Variants in PIWIL4 observed in about 807,000 individuals in gnomAD.
PIWIL4 encodes piwi like RNA-mediated gene silencing 4.
In PIWIL4, 50 loss-of-function variants were observed where a neutral mutation model predicts 100.9. The observed-to-expected ratio is 0.50, with a 90% confidence interval of 0.39 to 0.63. PIWIL4 has a LOEUF of 0.63. Ranked by LOEUF, PIWIL4 falls within the 20% of genes least tolerant of loss-of-function variation. PIWIL4 has a pLI of 0.00. For missense variants in PIWIL4, 887 were observed against 1,043.3 expected (o/e 0.85, Z 2.06); for synonymous variants, 342 against 367.5 (o/e 0.93, Z 0.79).
In PIWIL4 at chr11:94,595,321, A is replaced by C; in HGVS notation, c.1163A>C (p.Gln388Pro). The change falls in exon 10 of 20, where the codon CAG (glutamine) becomes CCG (proline). Residue 388 changes from glutamine to proline, a missense_variant. By Grantham distance (76) the Gln-to-Pro change is moderately conservative. Coordinates refer to ENST00000299001, the MANE Select transcript of PIWIL4 (RefSeq NM_152431.3). The stretch of plus-strand genomic sequence containing the variant: ...TTGCATTTAATAGGGCTGACTGACC[A>C]GGCAACATCTGATTTCCAGCTGATG... ...ELCFLTGLTD[Q>P]ATSDFQLMKA... 2 of 1,613,638 alleles carry C rather than the reference A, an allele frequency of 1.2e-6. No individual in the cohort carries two copies. The highest frequency in any genetic ancestry group is 1.3e-5 in the African/African-American group (1 of 75,056).
rs116989240 is a variant in PIWIL4 at position 94,576,792 on chromosome 11, C to T, written c.299-486C>T. Among the ~76,000 whole-genome samples, 395 of 152,296 alleles carry T rather than the reference C, an allele frequency of 2.6e-3. 3 individuals carry two copies. The highest frequency in any genetic ancestry group is 4.1e-3 in the Non-Finnish European group (278 of 68,028). On this transcript the variant is annotated intron_variant, in intron 3 of 19. Coordinates refer to ENST00000299001, the MANE Select transcript of PIWIL4 (RefSeq NM_152431.3). Reference sequence around the variant, plus strand: ...TCTCTGAGATTGTTTGGTCTAACCACTGATATAACTTTTTCAGAATTTTCA... The same window carrying T: ...TCTCTGAGATTGTTTGGTCTAACCATTGATATAACTTTTTCAGAATTTTCA...
In PIWIL4 at chr11:94,604,020, A is replaced by C. The variant is rs769950349; in HGVS notation, c.1602A>C (p.Arg534Ser). 7.5e-6 allele frequency: 12 copies of C among 1,607,388 alleles called. No homozygotes were observed. The Admixed American group carries it at 1.0e-4, about 13-fold the overall frequency. ...AAGAAAATCCAGCTGCATTTGTTAG[A>C]GCTATACAGCAATATGTTGATCCTG... ...KVQENPAAFV[R>S]AIQQYVDPDV... is the part of the protein sequence containing the mutation. Residue 534 changes from arginine (R) to serine (S), a missense_variant, in exon 13 of 20, where the codon AGA becomes AGC. By Grantham distance (110) the Arg-to-Ser change is moderately radical. This residue lies in a region of PIWIL4 where 741 missense variants were observed against 930.0 expected (regional missense o/e 0.80). Transcript: ENST00000299001.
chr11:94,607,775 TCC>T, intron 14 of PIWIL4, 136 bp downstream of exon 14: 2 of 888,970 alleles, frequency 2.2e-6, no homozygotes, highest in Non-Finnish European at 1.7e-6. Flanking sequence ...GTTCTGGCAT[TCC>T]ATAAGCCATT....
In PIWIL4 at chr11:94,606,860, T is replaced by C. The variant is rs1468117693; in HGVS notation, c.1639-579T>C. Among the ~76,000 whole-genome samples the C allele has an allele frequency of 2.0e-5, 3 of 151,490 alleles. No homozygotes were observed. In the East Asian group the frequency reaches 5.8e-4, roughly 29 times the overall value. The stretch of plus-strand genomic sequence containing the variant: ...AAAAAAAAAAAAAAGCCAGGGGACT[T>C]GAAACTTCTCTATCCACCCCCCACT... On this transcript the variant is annotated intron_variant, in intron 13 of 19. Transcript: ENST00000299001.
intron 3 of PIWIL4, among the ~76,000 whole-genome samples, chr11:94,576,161 G>C (rs180983786): frequency 6.6e-6 from 1 of 152,070 alleles, no homozygotes; most frequent in Non-Finnish European, 1.5e-5. Flanking sequence ...TGGAGACAGC[G>C]TCTCACTCTG....
chr11:94,607,570 T>A lies in PIWIL4; in HGVS notation c.1770T>A (p.Ser590Arg). ...RTLNKQGMMM[S>R]IATKIAMQMT... The stretch of plus-strand genomic sequence containing the variant: ...TGAATAAACAGGGCATGATGATGAG[T>A]ATCGCCACCAAGATCGCTATGCAGA... The change falls in exon 14 of 20, where the codon AGT becomes AGA. Residue 590 changes from serine to arginine, a missense_variant. Physicochemically the swap from Ser to Arg is moderately radical, Grantham distance 110. Coordinates refer to ENST00000299001, the MANE Select transcript of PIWIL4 (RefSeq NM_152431.3). The A allele has an allele frequency of 6.2e-7, 1 of 1,614,004 alleles. No homozygotes were observed. The highest frequency in any genetic ancestry group is 8.5e-7 in the Non-Finnish European group (1 of 1,179,978).
At chr11:94,600,707 C>T (rs968728013) in intron 11 of PIWIL4, among the ~76,000 whole-genome samples, 17 of 152,082 alleles carry the variant, frequency 1.1e-4, no homozygotes, top group Middle Eastern at 3.4e-3. Context: ...AGCCTAGGAG[C>T]GCTATAGGAG....
chr11:94,606,828 T>A (rs1948725631), intron 13 of PIWIL4, among the ~76,000 whole-genome samples: 1 of 146,662 alleles, frequency 6.8e-6, no homozygotes. Context: ...TGTGAGACTC[T>A]GTCTCAAAAA....
intron 13 of PIWIL4, among the ~76,000 whole-genome samples, 181 bp downstream of exon 13, chr11:94,604,237 A>G (rs1316038195): frequency 1.3e-5 from 2 of 152,062 alleles, no homozygotes; most frequent in Non-Finnish European, 2.9e-5. Context: ...CACATTTCTA[A>G]TATTAATTTT....
chr11:94,579,751 A>G (rs796244570), intron 4 of PIWIL4, among the ~76,000 whole-genome samples: 7 of 152,304 alleles, frequency 4.6e-5, no homozygotes, highest in African/African-American at 1.7e-4. Flanking sequence ...GTAAATTAAG[A>G]AACATTTTTA....
intron 11 of PIWIL4, among the ~76,000 whole-genome samples, chr11:94,598,675 T>A (rs1488788573): frequency 6.6e-6 from 1 of 151,654 alleles, no homozygotes; most frequent in South Asian, 2.1e-4. Flanking sequence ...GAATGTATCA[T>A]GTTGGTAGAA....
At chr11:94,591,524 TA>T (rs1298025454) in intron 8 of PIWIL4, among the ~76,000 whole-genome samples, 1 of 152,248 alleles carries the variant, frequency 6.6e-6, no homozygotes, top group Non-Finnish European at 1.5e-5. Flanking sequence ...ATCTTGTGCA[TA>T]AAATGTGTTC....
chr11:94,585,063 T>C (rs1948379867), intron 5 of PIWIL4, among the ~76,000 whole-genome samples: 1 of 151,880 alleles, frequency 6.6e-6, no homozygotes, highest in South Asian at 2.1e-4. Flanking sequence ...GAAACTCCAT[T>C]TCAAAAAAAG....
intron 2 of PIWIL4, among the ~76,000 whole-genome samples, chr11:94,570,254 G>A (rs1332522747): frequency 6.6e-6 from 1 of 152,112 alleles, no homozygotes; most frequent in Non-Finnish European, 1.5e-5. Flanking sequence ...CTAAGTAGGA[G>A]GCTTAATCAG....
chr11:94,594,568 T>C (rs1176792760), intron 9 of PIWIL4, among the ~76,000 whole-genome samples: 2 of 151,900 alleles, frequency 1.3e-5, no homozygotes, highest in Admixed American at 6.6e-5. Flanking sequence ...GTTTCACTCT[T>C]GTTGCCCAGG....
At chr11:94,606,782 C>G (rs1420864808) in intron 13 of PIWIL4, among the ~76,000 whole-genome samples, 1 of 146,584 alleles carries the variant, frequency 6.8e-6, no homozygotes, top group Non-Finnish European at 1.5e-5. Flanking sequence ...TGCAGTGAGC[C>G]AAGATCGTGC....
At chr11:94,595,923 C>T (rs1480426240) in intron 10 of PIWIL4, among the ~76,000 whole-genome samples, 2 of 152,064 alleles carry the variant, frequency 1.3e-5, no homozygotes, top group African/African-American at 4.8e-5. Flanking sequence ...GACTATGTTT[C>T]CGTTCTTATT....
chr11:94,586,058 AC>A (rs1242072967), intron 6 of PIWIL4, among the ~76,000 whole-genome samples: 2 of 152,124 alleles, frequency 1.3e-5, no homozygotes, highest in African/African-American at 2.4e-5. Context: ...CAGAGAGGCA[AC>A]TGGTAGCCCA....
chr11:94,579,863 CTGT>C (rs1948289648), intron 4 of PIWIL4, among the ~76,000 whole-genome samples: 2 of 152,276 alleles, frequency 1.3e-5, no homozygotes, highest in Admixed American at 6.5e-5. Flanking sequence ...TATTTCAAGT[CTGT>C]TGTTACCATT....
Sources: allele counts gnomAD v4.1 joint callset (sites outside exome capture counted in the v4.1 genomes callset), GRCh38; gene constraint gnomAD v4.1.1; regional missense constraint gnomAD v4.1.1; transcripts MANE v1.5; gene names NCBI Gene and HGNC (gene_info 2026-07-23, HGNC 2026-07-21).